Variants in FHIT observed in about 807,000 individuals in gnomAD.
FHIT encodes the protein bis(5'-adenosyl)-triphosphatase.
Under a neutral mutation model 17.9 loss-of-function variants are expected in FHIT, and 19 were observed. The observed-to-expected ratio is 1.06, with a 90% CI of 0.74 to 1.56. The LOEUF is 1.56. Ranked by LOEUF, FHIT falls within the 40% of genes most tolerant of loss-of-function variation. The pLI is 0.00. For missense variants in FHIT, 248 were observed against 189.2 expected (o/e 1.31, Z -1.82); for synonymous variants, 81 against 69.7 (o/e 1.16, Z -0.81).
intron 5 of FHIT, among the ~76,000 whole-genome samples, chr3:60,076,896 G>A (rs1464319615): frequency 6.6e-6 from 1 of 151,704 alleles, no homozygotes; most frequent in Non-Finnish European, 1.5e-5. Flanking sequence ...AAAGGTAAAA[G>A]GAACATTCAT....
At chr3:61,181,591 C>T (rs1422946823) in intron 2 of FHIT, among the ~76,000 whole-genome samples, 2 of 152,168 alleles carry the variant, frequency 1.3e-5, no homozygotes, top group Admixed American at 6.5e-5. Flanking sequence ...GCATCACAGG[C>T]TGCTCTGATA....
chr3:60,809,764 A>T (rs1248692419), intron 4 of FHIT, among the ~76,000 whole-genome samples: 2 of 152,174 alleles, frequency 1.3e-5, no homozygotes, highest in Non-Finnish European at 2.9e-5. Flanking sequence ...ACATTAGTTG[A>T]TGTGAGCAGG....
At chr3:60,424,019 T>C (rs1469364244) in intron 5 of FHIT, among the ~76,000 whole-genome samples, 1 of 152,204 alleles carries the variant, frequency 6.6e-6, no homozygotes, top group Non-Finnish European at 1.5e-5. Flanking sequence ...GTAACTATAG[T>C]GATAAAGGTA....
chr3:60,242,224 A>C (rs1438995210), intron 5 of FHIT, among the ~76,000 whole-genome samples: 2 of 152,168 alleles, frequency 1.3e-5, no homozygotes, highest in Non-Finnish European at 2.9e-5. Context: ...GGTATTAAAT[A>C]GATTTTTATC....
At chr3:60,656,490 C>G (rs1345894930) in intron 4 of FHIT, among the ~76,000 whole-genome samples, 1 of 152,078 alleles carries the variant, frequency 6.6e-6, no homozygotes, top group Non-Finnish European at 1.5e-5. Flanking sequence ...AATTGGGGCA[C>G]CTCTACAGAC....
chr3:59,996,876 T>C (rs1041355248), intron 7 of FHIT, among the ~76,000 whole-genome samples: 1 of 152,116 alleles, frequency 6.6e-6, no homozygotes, highest in Non-Finnish European at 1.5e-5. Flanking sequence ...AACCCCTGTA[T>C]CACTCATCAG....
chr3:60,633,473 C>CAT, intron 4 of FHIT, among the ~76,000 whole-genome samples: 1 of 152,146 alleles, frequency 6.6e-6, no homozygotes, highest in East Asian at 1.9e-4. Context: ...GTAATCTGTA[C>CAT]ATACTTGGAA....
chr3:60,137,604 G>A (rs1458403093), intron 5 of FHIT, among the ~76,000 whole-genome samples: 1 of 152,142 alleles, frequency 6.6e-6, no homozygotes, highest in South Asian at 2.1e-4. Flanking sequence ...GACACTGATG[G>A]AGACAAAGCT....
intron 4 of FHIT, among the ~76,000 whole-genome samples, chr3:60,645,323 TCTC>T (rs1239429570): frequency 1.3e-5 from 2 of 152,038 alleles, no homozygotes; most frequent in East Asian, 1.9e-4. Context: ...CAGCCCCTCT[TCTC>T]CTGGCCTTCC....
chr3:61,080,186 CT>C (rs1238779385), intron 2 of FHIT, among the ~76,000 whole-genome samples: 3 of 152,060 alleles, frequency 2.0e-5, no homozygotes, highest in African/African-American at 7.2e-5. Context: ...TTAGTTAGAG[CT>C]TTATCAAAAT....
intron 5 of FHIT, among the ~76,000 whole-genome samples, chr3:60,433,321 TG>T (rs1235830068): frequency 6.6e-6 from 1 of 152,074 alleles, no homozygotes; most frequent in East Asian, 1.9e-4. Flanking sequence ...TATCCATCTG[TG>T]GAAGGACATT....
At chr3:60,541,641 C>A (rs2036189667) in intron 4 of FHIT, among the ~76,000 whole-genome samples, 1 of 152,182 alleles carries the variant, frequency 6.6e-6, no homozygotes, top group African/African-American at 2.4e-5. Flanking sequence ...CTATTAGTAA[C>A]AATGCCACTT....
intron 5 of FHIT, among the ~76,000 whole-genome samples, chr3:60,496,880 G>C (rs2034321503): frequency 6.6e-6 from 1 of 151,948 alleles, no homozygotes; most frequent in Non-Finnish European, 1.5e-5. Context: ...ATGTACAGCA[G>C]GACACAGTCA....
chr3:60,027,549 TCAC>T (rs1033373290), intron 5 of FHIT, among the ~76,000 whole-genome samples: 2 of 151,722 alleles, frequency 1.3e-5, no homozygotes, highest in Admixed American at 1.3e-4. Flanking sequence ...AAAATAAGTG[TCAC>T]AAGTTTCTTA....
intron 4 of FHIT, among the ~76,000 whole-genome samples, chr3:60,543,030 A>G (rs969512940): frequency 2.6e-5 from 4 of 152,318 alleles, no homozygotes; most frequent in Admixed American, 6.5e-5. Flanking sequence ...ATACACAGGA[A>G]TAAGTCTAGA....
At chr3:60,223,926 C>T (rs930442526) in intron 5 of FHIT, among the ~76,000 whole-genome samples, 7 of 152,130 alleles carry the variant, frequency 4.6e-5, no homozygotes, top group African/African-American at 1.7e-4. Context: ...CGTGCTGCGT[C>T]CTGTTCTCTC....
intron 4 of FHIT, among the ~76,000 whole-genome samples, chr3:60,812,039 T>G (rs1348128678): frequency 6.6e-6 from 1 of 152,154 alleles, no homozygotes; most frequent in East Asian, 1.9e-4. Context: ...CGCACTGATG[T>G]AAAATTCTGC....
chr3:60,728,158 C>T (rs567864049), intron 4 of FHIT, among the ~76,000 whole-genome samples: 4 of 152,296 alleles, frequency 2.6e-5, no homozygotes, highest in South Asian at 2.1e-4. Context: ...GCTCTAAATT[C>T]GTGGTTGTGC....
intron 5 of FHIT, among the ~76,000 whole-genome samples, chr3:60,123,995 TATATATATATATATAGAG>T (rs1158330817): frequency 2.7e-5 from 1 of 36,626 alleles, no homozygotes; most frequent in African/African-American, 1.0e-4. Flanking sequence ...TATATATATA[TATATATATATATATAGAG>T]AGAGAGAGAG....
Sources: allele counts gnomAD v4.1 joint callset (sites outside exome capture counted in the v4.1 genomes callset), GRCh38; gene constraint gnomAD v4.1.1; transcripts MANE v1.5; gene names NCBI Gene and HGNC (gene_info 2026-07-23, HGNC 2026-07-21).